PLOD2: variants seen among roughly 807,000 people sequenced by gnomAD.
PLOD2 encodes the protein procollagen-lysine,2-oxoglutarate 5-dioxygenase 2, also known as lysine hydroxylase 2.
In PLOD2, 65 loss-of-function variants were observed where a neutral mutation model predicts 101.0. That is an observed-to-expected ratio of 0.64 (90% CI 0.53 to 0.79). The LOEUF is 0.79. Ranked by LOEUF, PLOD2 falls within the 30% of genes least tolerant of loss-of-function variation. PLOD2 has a pLI of 0.00. For missense variants in PLOD2, 909 were observed against 914.6 expected (o/e 0.99, Z 0.08); for synonymous variants, 314 against 302.9 (o/e 1.04, Z -0.38).
intron 7 of PLOD2, among the ~76,000 whole-genome samples, chr3:146,100,873 G>C (rs920057771): frequency 8.6e-5 from 13 of 151,906 alleles, no homozygotes; most frequent in Admixed American, 7.2e-4. Flanking sequence ...AGAGTGACAG[G>C]GTTTCTGCTT....
At chr3:146,096,542 T>C (rs1330502553) in intron 7 of PLOD2, among the ~76,000 whole-genome samples, 4 of 85,788 alleles carry the variant, frequency 4.7e-5, no homozygotes, top group African/African-American at 1.5e-4. Flanking sequence ...CACCGCCCTG[T>C]CTGGGATGTG....
chr3:146,133,949 G>A (rs2031077128), intron 1 of PLOD2, among the ~76,000 whole-genome samples: 1 of 152,120 alleles, frequency 6.6e-6, no homozygotes, highest in Non-Finnish European at 1.5e-5. Context: ...AATTATAAGA[G>A]CTTGGGATGC....
chr3:146,073,341 T>A lies in PLOD2; in HGVS notation c.1689A>T (p.Glu563Asp). Residue 563 changes from glutamate to aspartate, a missense_variant, in exon 16 of 20, where the codon GAA becomes GAT. Coordinates refer to ENST00000282903, the MANE Select transcript of PLOD2 (RefSeq NM_182943.3). ...TTGAATAATCACGGTTTATATACTT[T>A]TCCTTCCAGTCCTATAAAAAGAAGT... ...QIFENPVDWK[E>D]KYINRDYSKI... 8.4e-7 allele frequency: 1 copy of A among 1,186,970 alleles called. No homozygotes were observed. Among genetic ancestry groups the A allele is most frequent in the Non-Finnish European group, 1.2e-6 (1 of 815,192 alleles). 73.5% of individuals were successfully genotyped at this position (1,186,970 alleles called of 1,614,324 possible).
At chr3:146,156,813 C>T (rs1020208810) in intron 1 of PLOD2, among the ~76,000 whole-genome samples, 3 of 152,220 alleles carry the variant, frequency 2.0e-5, no homozygotes, top group African/African-American at 7.2e-5. Flanking sequence ...TCAGGAAAGA[C>T]AAGCACAGCC....
At chr3:146,141,928 C>T (rs1170388) in intron 1 of PLOD2, among the ~76,000 whole-genome samples, 16,206 of 152,016 alleles carry the variant, frequency 0.11, 1,166 homozygotes, top group Middle Eastern at 0.16. Flanking sequence ...GTGAGGAATT[C>T]GCCCTAAAAC....
intron 1 of PLOD2, among the ~76,000 whole-genome samples, chr3:146,136,279 T>C (rs1025035072): frequency 6.6e-6 from 1 of 152,120 alleles, no homozygotes; most frequent in Non-Finnish European, 1.5e-5. Flanking sequence ...CTGAACCTGA[T>C]GAGACTTTAC....
intron 8 of PLOD2, among the ~76,000 whole-genome samples, chr3:146,091,333 C>G (rs371162806): frequency 1.1e-4 from 16 of 151,838 alleles, no homozygotes; most frequent in Admixed American, 2.0e-4. Flanking sequence ...AATTGTACTA[C>G]CTATTTTAGG....
chr3:146,146,301 A>G (rs572524830), intron 1 of PLOD2, among the ~76,000 whole-genome samples: 2 of 152,278 alleles, frequency 1.3e-5, no homozygotes, highest in African/African-American at 4.8e-5. Flanking sequence ...TTAAAGGTGC[A>G]TTTCTCCAAG....
At chr3:146,093,112 A>C (rs889801344) in intron 7 of PLOD2, among the ~76,000 whole-genome samples, 1 of 152,184 alleles carries the variant, frequency 6.6e-6, no homozygotes, top group Admixed American at 6.5e-5. Flanking sequence ...GGGATGTTAA[A>C]GTGTGGAATA....
chr3:146,120,412 C>T (rs1224690665), intron 3 of PLOD2, among the ~76,000 whole-genome samples: 1 of 151,916 alleles, frequency 6.6e-6, no homozygotes, highest in Non-Finnish European at 1.5e-5. Context: ...AACTGGCTAG[C>T]CATATGTAGA....
intron 17 of PLOD2, 108 bp downstream of exon 17, chr3:146,072,453 C>G: frequency 1.3e-6 from 1 of 780,082 alleles, no homozygotes. Flanking sequence ...TTATCTAAGT[C>G]TAGAACTCAG....
At chr3:146,122,717 G>A (rs2030255310) in intron 2 of PLOD2, among the ~76,000 whole-genome samples, 1 of 152,114 alleles carries the variant, frequency 6.6e-6, no homozygotes, top group African/African-American at 2.4e-5. Context: ...TGGGGTCCAA[G>A]ATCTGATATT....
At chr3:146,076,686 T>G in intron 15 of PLOD2, 96 bp downstream of exon 15, 1 of 693,398 alleles carries the variant, frequency 1.4e-6, no homozygotes, top group Non-Finnish European at 2.6e-6. Context: ...TATGTCATTT[T>G]AAAAAGCCTC....
At chr3:146,071,683 A>C (rs982628286) in intron 17 of PLOD2, among the ~76,000 whole-genome samples, 10 of 151,742 alleles carry the variant, frequency 6.6e-5, no homozygotes, top group African/African-American at 2.2e-4. Context: ...AAGTTTAGCT[A>C]TAAAGTAAAT....
intron 1 of PLOD2, among the ~76,000 whole-genome samples, chr3:146,125,394 C>CAA (rs57126325): frequency 7.3e-5 from 11 of 151,562 alleles, no homozygotes; most frequent in Non-Finnish European, 1.3e-4. Flanking sequence ...AATAGTCAAC[C>CAA]AAAAAAAATA....
chr3:146,069,622 T>TG lies in PLOD2; in HGVS notation c.*1094dup, dbSNP rs1433006955. 5.9e-5 allele frequency: 9 copies of TG among 152,086 alleles called. No individual in the cohort carries two copies. Among genetic ancestry groups the TG allele is most frequent in the African/African-American group, 2.2e-4 (9 of 41,324 alleles). 9.4% of individuals were successfully genotyped at this position (152,086 alleles called of 1,614,324 possible). A position where few individuals can be genotyped will look rare whatever the true frequency, so the allele number is the denominator to read the frequency against. ...ACATCAAGTCAACAAGTATTTTTGT[T>TG]GGAGAATTTTTTTATAAGCGGGATA... On this transcript the variant is annotated 3_prime_UTR_variant, in exon 20 of 20. Transcript: ENST00000282903.
At position 146,073,116 on chromosome 3, in the gene PLOD2, A is replaced by G. The variant is rs557534270; in HGVS notation, c.1743+171T>C. 7.2e-5 allele frequency among the ~76,000 whole-genome samples: 11 copies of G among 151,756 alleles called. No individual in the cohort carries two copies. In the South Asian group the frequency reaches 2.3e-3, roughly 31 times the overall value. On this transcript the variant is annotated intron_variant, in intron 16 of 19. Transcript: ENST00000282903. ...TAAAATGTTAATTTCTATGTTCTACATTTTACAACTGTATGTTCCTTAATG... is the reference window on the plus strand; with the variant it reads ...TAAAATGTTAATTTCTATGTTCTACGTTTTACAACTGTATGTTCCTTAATG...
chr3:146,103,704 A>C (rs1236320843), intron 6 of PLOD2, among the ~76,000 whole-genome samples: 2 of 152,126 alleles, frequency 1.3e-5, no homozygotes, highest in Non-Finnish European at 2.9e-5. Context: ...TGTATATTTA[A>C]AAGTATTTAT....
chr3:146,075,132 T>C (rs1936285120), intron 15 of PLOD2, among the ~76,000 whole-genome samples: 1 of 151,608 alleles, frequency 6.6e-6, no homozygotes, highest in Admixed American at 6.6e-5. Flanking sequence ...AAAACACCTC[T>C]TTTCAGCTTT....
Sources: allele counts gnomAD v4.1 joint callset (sites outside exome capture counted in the v4.1 genomes callset), GRCh38; gene constraint gnomAD v4.1.1; transcripts MANE v1.5; gene names NCBI Gene and HGNC (gene_info 2026-07-23, HGNC 2026-07-21).